KLF3: variants seen among roughly 807,000 people sequenced by gnomAD.
The protein encoded by KLF3 is KLF transcription factor 3, also known as Krueppel-like factor 3.
KLF3 carries 6 observed loss-of-function variants against 32.7 expected under a neutral mutation model. The ratio of observed to expected loss-of-function variants is 0.18; its 90% CI spans 0.10 to 0.36. KLF3 has a LOEUF of 0.36. Ranked by LOEUF, KLF3 falls within the 10% of genes least tolerant of loss-of-function variation. KLF3 has a pLI of 1.00. For synonymous variants in KLF3, 145 were observed against 172.8 expected (o/e 0.84, Z 1.26); for missense variants, 338 against 449.7 (o/e 0.75, Z 2.25).
Position 38,687,751 on chromosome 4 carries a change from C to A in KLF3, c.58-834C>A, listed in dbSNP as rs1295253120. On this transcript the variant is annotated intron_variant, in intron 2 of 5. Transcript: ENST00000261438. ...CCGTGTCATCCACAGACTTGCCATT[C>A]AAGTCTACAGCTTCATTCAGATTCT... Among the ~76,000 whole-genome samples, 5 of 152,192 alleles carry A rather than the reference C, an allele frequency of 3.3e-5. No individual in the cohort carries two copies. The South Asian group carries it at 8.3e-4, about 25-fold the overall frequency.
chr4:38,675,296 T>C (rs542481438), intron 1 of KLF3, among the ~76,000 whole-genome samples: 3 of 152,354 alleles, frequency 2.0e-5, no homozygotes, highest in East Asian at 3.9e-4. Context: ...GCTCCAGTTA[T>C]GGAAAATTAT....
intron 4 of KLF3, 136 bp from the exon 5 acceptor site, chr4:38,694,610 G>T: frequency 1.3e-6 from 1 of 757,620 alleles, no homozygotes. Flanking sequence ...GGGTTGATCA[G>T]CTAATTTCTT....
At position 38,698,211 on chromosome 4, in the gene KLF3, C is replaced by G. The variant is rs1560421864; in HGVS notation, c.*948C>G. The G allele has an allele frequency of 6.6e-6, 1 of 152,282 alleles. No individual in the cohort carries two copies. Among genetic ancestry groups the G allele is most frequent in the East Asian group, 1.9e-4 (1 of 5,206 alleles). 9.4% of individuals were successfully genotyped at this position (152,282 alleles called of 1,614,324 possible). On this transcript the variant is annotated 3_prime_UTR_variant, in exon 6 of 6. Transcript: ENST00000261438. ...GATCATCAAACATTGATAGTAGGGA[C>G]TCCATGGAATATTTGCCCAGTAATG...
rs963149725 is a variant in KLF3, at chr4:38,698,183, T to C, written c.*920T>C. ...CTCCATTCCTACAATGTCCTTAATA[T>C]GAGATCATCAAACATTGATAGTAGG... On this transcript the variant is annotated 3_prime_UTR_variant, in exon 6 of 6. Coordinates refer to ENST00000261438, the MANE Select transcript of KLF3 (RefSeq NM_016531.6). The C allele has an allele frequency of 1.3e-5, 2 of 152,248 alleles. No homozygotes were observed. Among genetic ancestry groups the C allele is most frequent in the African/African-American group, 2.4e-5 (1 of 41,468 alleles). 9.4% of individuals were successfully genotyped at this position (152,248 alleles called of 1,614,324 possible). A position where few individuals can be genotyped will look rare whatever the true frequency, so the allele number is the denominator to read the frequency against.
rs1000500038 is a variant in KLF3, at chr4:38,671,346, C to T, written c.-40+6885C>T. 2.6e-5 allele frequency among the ~76,000 whole-genome samples: 4 copies of T among 152,312 alleles called. 1 individual carries two copies. The highest frequency in any genetic ancestry group is 4.1e-4 in the South Asian group (2 of 4,826). ...TGCCAATTTTTCTCAGCAGTTATAT[C>T]GACAATGCAGGTGCACTGGCTAGGA... On this transcript the variant is annotated intron_variant, in intron 1 of 5. Transcript: ENST00000261438. This position sits in a 1 kb window ranked among gnomAD's most constrained non-coding sequence, Gnocchi z 4.4.
chr4:38,681,219 G>A (rs769846699), intron 2 of KLF3, among the ~76,000 whole-genome samples: 2 of 152,162 alleles, frequency 1.3e-5, no homozygotes, highest in Non-Finnish European at 2.9e-5. Flanking sequence ...GTCCCCCTAA[G>A]ATATGATCAG....
chr4:38,675,033 G>C (rs1293962478), intron 1 of KLF3, among the ~76,000 whole-genome samples: 1 of 152,230 alleles, frequency 6.6e-6, no homozygotes, highest in Non-Finnish European at 1.5e-5. Context: ...ATAGGTCTCA[G>C]ACACCACTGG....
At chr4:38,692,249 C>T (rs1190896322) in intron 4 of KLF3, among the ~76,000 whole-genome samples, 1 of 152,120 alleles carries the variant, frequency 6.6e-6, no homozygotes, top group Non-Finnish European at 1.5e-5. Flanking sequence ...AATCCCAAAC[C>T]ATCTCTTTGA....
In KLF3 at chr4:38,698,587, A is replaced by T. The variant is rs893407117; in HGVS notation, c.*1324A>T. ...CCACAGATCAGGGATTCATATATGT[A>T]GCTCAAAAATTCCCAAAAGTTTACT... On this transcript the variant is annotated 3_prime_UTR_variant, in exon 6 of 6. Transcript: ENST00000261438. 2.0e-5 allele frequency: 3 copies of T among 152,646 alleles called. No individual in the cohort carries two copies. The highest frequency in any genetic ancestry group is 4.4e-5 in the Non-Finnish European group (3 of 68,042). 9.5% of individuals were successfully genotyped at this position (152,646 alleles called of 1,614,324 possible). A position where few individuals can be genotyped will look rare whatever the true frequency, so the allele number is the denominator to read the frequency against.
chr4:38,671,505 C>T lies in KLF3; in HGVS notation c.-40+7044C>T, dbSNP rs878986534. ...CTGTCACTAATGTAAACAGACTGTC[C>T]CCACGTTCTGTCTTCTCCGGGGACC... On this transcript the variant is annotated intron_variant, in intron 1 of 5. Coordinates refer to ENST00000261438, the MANE Select transcript of KLF3 (RefSeq NM_016531.6). The surrounding 1 kb of genome is among the most constrained non-coding windows in gnomAD (Gnocchi z 4.4). Among the ~76,000 whole-genome samples the T allele has an allele frequency of 6.6e-6, 1 of 152,112 alleles. No homozygotes were observed. The highest frequency in any genetic ancestry group is 6.5e-5 in the Admixed American group (1 of 15,272).
chr4:38,665,942 G>A (rs957997183), intron 1 of KLF3, among the ~76,000 whole-genome samples: 2 of 152,206 alleles, frequency 1.3e-5, no homozygotes, highest in African/African-American at 4.8e-5. Context: ...GTTAGTAATA[G>A]TGTTTAAGGA....
In KLF3 at chr4:38,689,069, A is replaced by G. The variant is rs1722794748; in HGVS notation, c.542A>G (p.Gln181Arg). The change falls in exon 3 of 6, where the codon CAA (glutamine) becomes CGA (arginine). Residue 181 changes from glutamine (Q) to arginine (R), a missense_variant and splice_region_variant. Coordinates refer to ENST00000261438, the MANE Select transcript of KLF3 (RefSeq NM_016531.6). ...EEMENSSSSMQVPVIESYEKP... is the reference protein window; with the variant it reads ...EEMENSSSSMRVPVIESYEKP... The stretch of plus-strand genomic sequence containing the variant: ...ATGGAAAATTCCAGTAGTAGCATGC[A>G]AGGTAAATTCCGCCACTGCTCCATG... 1 of 1,612,488 alleles carries G rather than the reference A, an allele frequency of 6.2e-7. No homozygotes were observed. The highest frequency in any genetic ancestry group is 1.7e-5 in the Admixed American group (1 of 60,000).
intron 1 of KLF3, among the ~76,000 whole-genome samples, chr4:38,678,288 A>G (rs1030112581): frequency 6.6e-6 from 1 of 152,154 alleles, no homozygotes; most frequent in African/African-American, 2.4e-5. Context: ...GCACTGGACA[A>G]CAATTCTTAG....
At position 38,688,446 on chromosome 4, in the gene KLF3, A is replaced by G. The variant is rs2109251622; in HGVS notation, c.58-139A>G. ...CCTCTTTGAGCATTTTTTTAAGGTC[A>G]CATATATATCGAAATCTAAACTATT... On this transcript the variant is annotated intron_variant, in intron 2 of 5. Transcript: ENST00000261438. This position sits in a 1 kb window ranked among gnomAD's most constrained non-coding sequence, Gnocchi z 4.9. The G allele has an allele frequency of 3.6e-6, 3 of 827,790 alleles. No individual in the cohort carries two copies. The highest frequency in any genetic ancestry group is 3.7e-4 in the Middle Eastern group (1 of 2,672). The allele number at this position is 827,790 out of a possible 1,614,324, so 51.3% of individuals were successfully genotyped here.
chr4:38,668,153 A>G (rs193083616), intron 1 of KLF3, among the ~76,000 whole-genome samples: 6 of 152,332 alleles, frequency 3.9e-5, no homozygotes, highest in African/African-American at 1.4e-4. Context: ...TTTTACAATA[A>G]TATTTTTCAT....
At chr4:38,695,724 A>T (rs1046458892) in intron 5 of KLF3, among the ~76,000 whole-genome samples, 1 of 152,148 alleles carries the variant, frequency 6.6e-6, no homozygotes, top group African/African-American at 2.4e-5. Context: ...ATTAAAAATG[A>T]CATCTTTTAA....
At chr4:38,690,892 G>A (rs1722858234) in intron 4 of KLF3, 1 of 152,108 alleles carries the variant, frequency 6.6e-6, no homozygotes, top group South Asian at 2.1e-4. Flanking sequence ...CATTCAGCTT[G>A]GGTAGGTACC....
rs1722287865 is a variant in KLF3, at chr4:38,674,655, G to A, written c.-39-5932G>A. Among the ~76,000 whole-genome samples, 2 of 152,220 alleles carry A rather than the reference G, an allele frequency of 1.3e-5. No individual in the cohort carries two copies. The highest frequency in any genetic ancestry group is 6.8e-3 in the Middle Eastern group (2 of 294). The stretch of plus-strand genomic sequence containing the variant: ...GATTTGGAGCCTCGGGGTCAGTCCT[G>A]GGTTGGGGAAGATAATGCAGGCACC... On this transcript the variant is annotated intron_variant, in intron 1 of 5. Coordinates refer to ENST00000261438, the MANE Select transcript of KLF3 (RefSeq NM_016531.6). This position sits in a 1 kb window ranked among gnomAD's most constrained non-coding sequence, Gnocchi z 4.1.
chr4:38,675,743 G>C (rs1375692149), intron 1 of KLF3, among the ~76,000 whole-genome samples: 1 of 152,142 alleles, frequency 6.6e-6, no homozygotes, highest in South Asian at 2.1e-4. Flanking sequence ...TCAGATTGCC[G>C]TCAGTACTGT....
Sources: gnomAD v4.1 joint callset for allele counts (sites outside exome capture counted in the v4.1 genomes callset) on GRCh38, gnomAD v4.1.1 for gene constraint, Gnocchi (gnomAD v3.1) non-coding constraint, MANE v1.5 for transcripts, NCBI Gene and HGNC (gene_info 2026-07-23, HGNC 2026-07-21) for gene names.